The following PDE4D variants were observed in gnomAD, a reference collection of about 807,000 sequenced individuals.
The protein encoded by PDE4D is 3',5'-cyclic-AMP phosphodiesterase 4D.
Under a neutral mutation model 87.4 loss-of-function variants are expected in PDE4D, and 24 were observed. The ratio of observed to expected loss-of-function variants is 0.27; its 90% CI spans 0.20 to 0.39. The LOEUF is 0.39. Ranked by LOEUF, PDE4D falls within the 10% of genes least tolerant of loss-of-function variation. The probability of loss-of-function intolerance (pLI) is 1.00; values close to 1 mark genes in which losing one functional copy is unlikely to be tolerated. For synonymous variants in PDE4D, 384 were observed against 383.2 expected (o/e 1.00, Z -0.02); for missense variants, 714 against 1,041.0 (o/e 0.69, Z 4.32).
intron 1 of PDE4D, among the ~76,000 whole-genome samples, chr5:59,357,783 A>T (rs1314840026): frequency 6.6e-6 from 1 of 152,240 alleles, no homozygotes; most frequent in Admixed American, 6.5e-5. Flanking sequence ...CCAAGGAGTC[A>T]AAGGACCCTA....
chr5:59,937,415 A>G (rs987809069), intron 3 of PDE4D, among the ~76,000 whole-genome samples: 13 of 152,216 alleles, frequency 8.5e-5, no homozygotes, highest in African/African-American at 3.1e-4. Context: ...TTAGGTTGTC[A>G]TAACAAAATA....
chr5:60,460,427 CT>C (rs1447425843), intron 1 of PDE4D: 4 of 1,323,992 alleles, frequency 3.0e-6, no homozygotes, highest in Non-Finnish European at 4.3e-6. Context: ...AGGGCAGACA[CT>C]TGTGGATGCT....
In PDE4D at chr5:60,101,392, G is replaced by A. The variant is rs57841465; in HGVS notation, c.42+84165C>T. On this transcript the variant is annotated intron_variant, in intron 2 of 16. Transcript: ENST00000502484. ...TTCTTGCTGCCAATTCTGAATCTCA[G>A]GGCACAACATCTTATATTCATTTAT... is the stretch of plus-strand genomic sequence containing the variant. Among the ~76,000 whole-genome samples, 523 of 152,132 alleles carry A rather than the reference G, an allele frequency of 3.4e-3. 28 individuals carry two copies. The East Asian group carries it at 0.091, about 27-fold the overall frequency.
intron 1 of PDE4D, chr5:60,430,304 C>T (rs1411151691): frequency 2.1e-6 from 1 of 475,412 alleles, no homozygotes; most frequent in Non-Finnish European, 4.2e-6. Flanking sequence ...GGAAAGGAAA[C>T]TGGCCACTAT....
intron 1 of PDE4D, among the ~76,000 whole-genome samples, chr5:60,441,463 A>G (rs1371099055): frequency 1.3e-5 from 2 of 152,204 alleles, no homozygotes; most frequent in Non-Finnish European, 2.9e-5. Context: ...CCTACACGTA[A>G]GACCTAAAAC....
chr5:60,355,250 A>G (rs1447011763), intron 1 of PDE4D, among the ~76,000 whole-genome samples: 1 of 152,204 alleles, frequency 6.6e-6, no homozygotes, highest in Non-Finnish European at 1.5e-5. Flanking sequence ...TCACCTGACT[A>G]TTATACTTTC....
chr5:59,860,444 T>C (rs1746093139), intron 1 of PDE4D, among the ~76,000 whole-genome samples: 2 of 152,210 alleles, frequency 1.3e-5, no homozygotes, highest in Non-Finnish European at 2.9e-5. Context: ...TTTCTAAATA[T>C]ATTATACAAT....
intron 3 of PDE4D, among the ~76,000 whole-genome samples, chr5:59,981,551 T>G (rs1308940032): frequency 2.6e-5 from 4 of 152,190 alleles, no homozygotes; most frequent in Admixed American, 2.6e-4. Flanking sequence ...ACTATATTTC[T>G]ACAGAATGTT....
At chr5:60,458,051 A>G (rs948261034) in intron 1 of PDE4D, among the ~76,000 whole-genome samples, 1 of 152,160 alleles carries the variant, frequency 6.6e-6, no homozygotes, top group Non-Finnish European at 1.5e-5. Flanking sequence ...TTTTCAAATT[A>G]CCACTTTTCT....
intron 2 of PDE4D, among the ~76,000 whole-genome samples, chr5:59,201,303 G>A (rs140899938): frequency 3.6e-3 from 541 of 152,122 alleles, no homozygotes; most frequent in African/African-American, 0.013. Flanking sequence ...ATTTTATATT[G>A]CTACCTGCTT....
intron 1 of PDE4D, among the ~76,000 whole-genome samples, chr5:59,553,053 A>G (rs1459966610): frequency 1.3e-5 from 2 of 152,220 alleles, no homozygotes; most frequent in Admixed American, 1.3e-4. Context: ...GTTTATTTAA[A>G]GCAATTTTTC....
At chr5:59,812,550 G>A (rs779742501) in intron 1 of PDE4D, among the ~76,000 whole-genome samples, 2 of 152,100 alleles carry the variant, frequency 1.3e-5, no homozygotes, top group Non-Finnish European at 2.9e-5. Context: ...GCGCATGCCT[G>A]TAATCCCAGC....
At chr5:60,384,886 C>G (rs1292413901) in intron 1 of PDE4D, among the ~76,000 whole-genome samples, 1 of 152,150 alleles carries the variant, frequency 6.6e-6, no homozygotes. Context: ...CACATTTCAC[C>G]AAAAATCCTA....
chr5:59,273,153 C>T (rs1764153144), intron 1 of PDE4D, among the ~76,000 whole-genome samples: 1 of 152,078 alleles, frequency 6.6e-6, no homozygotes, highest in Admixed American at 6.6e-5. Flanking sequence ...AGTTTTAGGT[C>T]TCTCTCATGG....
intron 1 of PDE4D, among the ~76,000 whole-genome samples, chr5:59,498,061 T>C (rs747706627): frequency 6.0e-4 from 91 of 152,064 alleles, no homozygotes; most frequent in Non-Finnish European, 1.0e-3. Context: ...AATAATTTCA[T>C]ATCCCACCAA....
chr5:60,228,915 T>C (rs768177816), intron 1 of PDE4D, among the ~76,000 whole-genome samples: 1 of 152,026 alleles, frequency 6.6e-6, no homozygotes, highest in Non-Finnish European at 1.5e-5. Context: ...GCTGGGCCCA[T>C]GTCAGATTAA....
intron 1 of PDE4D, among the ~76,000 whole-genome samples, chr5:59,392,056 C>A (rs998164798): frequency 1.3e-5 from 2 of 149,214 alleles, no homozygotes; most frequent in African/African-American, 5.1e-5. Context: ...TCATTCACTG[C>A]TGTATTTTTT....
At chr5:59,306,122 G>A (rs766765871) in intron 1 of PDE4D, among the ~76,000 whole-genome samples, 1 of 152,084 alleles carries the variant, frequency 6.6e-6, no homozygotes, top group Non-Finnish European at 1.5e-5. Context: ...GTTGGAGAAG[G>A]CCTTTTACCA....
At chr5:60,196,803 GT>G (rs1029957073) in intron 1 of PDE4D, among the ~76,000 whole-genome samples, 1 of 151,460 alleles carries the variant, frequency 6.6e-6, no homozygotes, top group Admixed American at 6.6e-5. Flanking sequence ...TCTTTTTAAT[GT>G]TTTTTTGTCC....
Sources: gnomAD v4.1 joint callset for allele counts (sites outside exome capture counted in the v4.1 genomes callset) on GRCh38, gnomAD v4.1.1 for gene constraint, MANE v1.5 for transcripts, NCBI Gene and HGNC (gene_info 2026-07-23, HGNC 2026-07-21) for gene names.